The following DAP3 variants were observed in gnomAD, a reference collection of about 807,000 sequenced individuals.
DAP3 encodes the protein death associated protein 3, also known as small ribosomal subunit protein mS29.
DAP3 carries 28 observed loss-of-function variants against 51.9 expected under a neutral mutation model. The observed-to-expected ratio is 0.54, with a 90% confidence interval of 0.40 to 0.74. DAP3 has a LOEUF of 0.74. DAP3 is among the 30% of genes least tolerant of loss of function. The pLI is 0.00. For synonymous variants in DAP3, 170 were observed against 170.3 expected (o/e 1.00, Z 0.01); for missense variants, 458 against 483.5 (o/e 0.95, Z 0.49).
intron 3 of DAP3, among the ~76,000 whole-genome samples, chr1:155,719,323 C>T (rs1234039294): frequency 6.6e-6 from 1 of 151,636 alleles, no homozygotes; most frequent in African/African-American, 2.4e-5. Context: ...GCAACCTCCA[C>T]CTCCTGGGTT....
intron 4 of DAP3, among the ~76,000 whole-genome samples, chr1:155,722,798 C>T (rs1290682537): frequency 6.6e-6 from 1 of 151,880 alleles, no homozygotes; most frequent in Non-Finnish European, 1.5e-5. Context: ...ACCCTGTCTC[C>T]AAAAAACAAT....
chr1:155,703,576 C>T (rs983145686), intron 1 of DAP3, among the ~76,000 whole-genome samples: 1 of 152,188 alleles, frequency 6.6e-6, no homozygotes, highest in Non-Finnish European at 1.5e-5. Flanking sequence ...CTTGCTCTGT[C>T]GCCCAGACTG....
At chr1:155,735,573 G>T (rs1162581445) in intron 11 of DAP3, among the ~76,000 whole-genome samples, 1 of 149,788 alleles carries the variant, frequency 6.7e-6, no homozygotes, top group Non-Finnish European at 1.5e-5. Context: ...GCAAAACTCA[G>T]TCTCAAGAAA....
upstream of DAP3, chr1:155,688,274 G>A (rs1652899093): frequency 6.3e-7 from 1 of 1,592,192 alleles, no homozygotes; most frequent in Non-Finnish European, 8.5e-7. Flanking sequence ...GGCGGATCCC[G>A]CAACCGACAC....
chr1:155,721,144 TG>T (rs992614328), intron 3 of DAP3, among the ~76,000 whole-genome samples: 2 of 151,802 alleles, frequency 1.3e-5, no homozygotes, highest in African/African-American at 4.8e-5. Context: ...AAGACCAGCC[TG>T]GCCAACATGG....
At chr1:155,693,903 GT>G (rs1654184086) in intron 1 of DAP3, among the ~76,000 whole-genome samples, 1 of 141,062 alleles carries the variant, frequency 7.1e-6, no homozygotes, top group Non-Finnish European at 1.5e-5. Flanking sequence ...GGAGGTTGCA[GT>G]GAGCTGAGAT....
chr1:155,711,385 T>C (rs574774042), intron 2 of DAP3, among the ~76,000 whole-genome samples: 42 of 151,908 alleles, frequency 2.8e-4, no homozygotes, highest in Middle Eastern at 6.8e-3. Flanking sequence ...CCCAGCTACT[T>C]GGGAGGCTGA....
chr1:155,733,011 G>A (rs566415966), intron 11 of DAP3, among the ~76,000 whole-genome samples: 21 of 152,142 alleles, frequency 1.4e-4, no homozygotes, highest in Middle Eastern at 3.2e-3. Context: ...GTGACAGAGC[G>A]AGACTCCGTC....
At chr1:155,714,485 C>T (rs1031315881) in intron 2 of DAP3, among the ~76,000 whole-genome samples, 3 of 152,188 alleles carry the variant, frequency 2.0e-5, no homozygotes, top group Admixed American at 2.0e-4. Flanking sequence ...TATGTGTTGG[C>T]TGGGCATAGT....
chr1:155,688,422 G>T (rs1380411066), upstream of DAP3: 23 of 1,546,170 alleles, frequency 1.5e-5, no homozygotes, highest in Non-Finnish European at 1.1e-5. Context: ...CTCCCTCCTC[G>T]CGTTCTTCCC....
At chr1:155,703,903 T>G (rs1407983832) in intron 1 of DAP3, among the ~76,000 whole-genome samples, 1 of 152,166 alleles carries the variant, frequency 6.6e-6, no homozygotes, top group Non-Finnish European at 1.5e-5. Flanking sequence ...ATCTCAGCAC[T>G]TTGCGAGGCT....
Position 155,725,365 on chromosome 1 carries a change from C to T in DAP3, c.271-17C>T, listed in dbSNP as rs1050290008. On this transcript the variant is annotated splice_polypyrimidine_tract_variant and intron_variant, in intron 4 of 12. Transcript: ENST00000368336. ...TTCCACACCCACCCACTCTTTCCTT[C>T]TTTCCTACTTTATCAGGTGAAGACA... The T allele has an allele frequency of 2.5e-6, 4 of 1,609,190 alleles. No homozygotes were observed. The Middle Eastern group carries it at 5.0e-4, about 199-fold the overall frequency.
At chr1:155,726,259 G>A (rs1158339472) in intron 6 of DAP3, 13 of 290,368 alleles carry the variant, frequency 4.5e-5, no homozygotes, top group Admixed American at 2.1e-4. Context: ...GATTACAGGC[G>A]CCCACCACAC....
intron 3 of DAP3, among the ~76,000 whole-genome samples, chr1:155,720,347 A>T (rs1182902392): frequency 6.8e-6 from 1 of 147,588 alleles, no homozygotes; most frequent in Non-Finnish European, 1.5e-5. Flanking sequence ...AAAAAAAAAA[A>T]AAAAAGACAT....
At chr1:155,701,010 T>G (rs1571444994) in intron 1 of DAP3, among the ~76,000 whole-genome samples, 3 of 101,792 alleles carry the variant, frequency 2.9e-5, no homozygotes, top group Non-Finnish European at 3.8e-5. Flanking sequence ...GGTGGGGGGG[T>G]CAGCCCCCCG....
At chr1:155,734,033 T>C (rs1233609604) in intron 11 of DAP3, among the ~76,000 whole-genome samples, 2 of 152,084 alleles carry the variant, frequency 1.3e-5, no homozygotes, top group Non-Finnish European at 2.9e-5. Context: ...GGCATTCACC[T>C]GTAGTCACAG....
In DAP3 at chr1:155,709,695, CT is replaced by C. The variant is rs1174498203; in HGVS notation, c.-7-77del. 2.3e-5 allele frequency: 28 copies of C among 1,225,826 alleles called. 1 individual carries two copies. The highest frequency in any genetic ancestry group is 2.9e-5 in the Non-Finnish European group (25 of 857,574). 75.9% of individuals were successfully genotyped at this position (1,225,826 alleles called of 1,614,324 possible). Reference sequence around the variant, plus strand: ...ATATAGATTATTAATCCCTATTAATCTATTGTCAGTTTTCCATGTTGCACAC... The same window carrying C: ...ATATAGATTATTAATCCCTATTAATCATTGTCAGTTTTCCATGTTGCACAC... On this transcript the variant is annotated intron_variant, in intron 1 of 12. Coordinates refer to ENST00000368336, the MANE Select transcript of DAP3 (RefSeq NM_004632.4).
At chr1:155,726,800 A>AG (rs1553189703) in intron 6 of DAP3, 6 of 153,374 alleles carry the variant, frequency 3.9e-5, no homozygotes, top group East Asian at 1.9e-4. Context: ...AAAAAAAAAA[A>AG]AAGAAGAAGA....
At chr1:155,688,433 C>T (rs774098986), upstream of DAP3, 38 of 1,547,338 alleles carry the variant, frequency 2.5e-5, no homozygotes, top group South Asian at 4.1e-4. Flanking sequence ...CGTTCTTCCC[C>T]ACGGTCCCCC....
Sources: allele counts gnomAD v4.1 joint callset (sites outside exome capture counted in the v4.1 genomes callset), GRCh38; gene constraint gnomAD v4.1.1; transcripts MANE v1.5; gene names NCBI Gene and HGNC (gene_info 2026-07-23, HGNC 2026-07-21).